Variants in PCDH9 observed in about 807,000 individuals in gnomAD.
PCDH9 encodes the protein protocadherin 9.
A neutral mutation model predicts 70.6 loss-of-function variants in PCDH9; 24 were observed. That is an observed-to-expected ratio of 0.34 (90% CI 0.25 to 0.48). PCDH9 has a LOEUF of 0.48. PCDH9 is among the 20% of genes least tolerant of loss of function. PCDH9 has a pLI of 0.99. For synonymous variants in PCDH9, 562 were observed against 558.5 expected (o/e 1.01, Z -0.09); for missense variants, 1,281 against 1,503.6 (o/e 0.85, Z 2.45).
intron 2 of PCDH9, among the ~76,000 whole-genome samples, chr13:66,939,914 C>T (rs1160145983): frequency 1.3e-5 from 2 of 152,092 alleles, no homozygotes; most frequent in African/African-American, 2.4e-5. Context: ...TTTATAAATA[C>T]TTAGTTCTTC....
At chr13:67,015,001 T>C (rs559450376) in intron 2 of PCDH9, among the ~76,000 whole-genome samples, 1 of 152,242 alleles carries the variant, frequency 6.6e-6, no homozygotes, top group East Asian at 1.9e-4. Flanking sequence ...CAAAGATCAA[T>C]TCCAAAATTA....
intron 3 of PCDH9, among the ~76,000 whole-genome samples, chr13:66,658,307 G>A (rs1320197002): frequency 6.6e-6 from 1 of 152,060 alleles, no homozygotes; most frequent in Non-Finnish European, 1.5e-5. Context: ...AATTTCCCAA[G>A]TTGATATAAA....
chr13:67,171,913 T>A (rs1047320694), intron 2 of PCDH9, among the ~76,000 whole-genome samples: 1 of 152,214 alleles, frequency 6.6e-6, no homozygotes, highest in African/African-American at 2.4e-5. Context: ...GCCTTACTGC[T>A]AGAGGTATCT....
rs1403883434 is a variant in PCDH9 at position 67,227,645 on chromosome 13, G to A, written c.796C>T (p.Pro266Ser). Residue 266 changes from proline (P) to serine (S), a missense_variant, in exon 2 of 5, where the codon CCC (proline) becomes TCC (serine). Coordinates refer to ENST00000377865, the MANE Select transcript of PCDH9 (RefSeq NM_203487.3). The surrounding 1 kb of genome is among the most constrained non-coding windows in gnomAD (Gnocchi z 4.6). The stretch of plus-strand genomic sequence containing the variant: ...AGCTGAATTACAGAGGTACCTACGG[G>A]AGCATTCTCTGGAATATGCACCTCC... ...QVEVHIPENA[P>S]VGTSVIQLHA... 6.2e-7 allele frequency: 1 copy of A among 1,612,632 alleles called. No homozygotes were observed. The highest frequency in any genetic ancestry group is 1.6e-4 in the Middle Eastern group (1 of 6,062).
chr13:67,132,812 TATATC>T (rs1359330096), intron 2 of PCDH9, among the ~76,000 whole-genome samples: 1 of 152,126 alleles, frequency 6.6e-6, no homozygotes, highest in Non-Finnish European at 1.5e-5. Flanking sequence ...TACAAATTGT[TATATC>T]ATATAGAATA....
intron 4 of PCDH9, among the ~76,000 whole-genome samples, chr13:66,628,399 C>G (rs1485723614): frequency 6.6e-6 from 1 of 152,154 alleles, no homozygotes; most frequent in Non-Finnish European, 1.5e-5. Context: ...ATAAATTTCT[C>G]ATAATAACTT....
At chr13:66,310,262 A>C (rs546760823) in intron 4 of PCDH9, among the ~76,000 whole-genome samples, 50 of 152,156 alleles carry the variant, frequency 3.3e-4, no homozygotes, top group Non-Finnish European at 6.3e-4. Flanking sequence ...ATCAGGTCTC[A>C]AAATTCATCT....
intron 4 of PCDH9, among the ~76,000 whole-genome samples, chr13:66,447,281 T>C (rs1958111695): frequency 6.6e-6 from 1 of 152,072 alleles, no homozygotes; most frequent in Non-Finnish European, 1.5e-5. Flanking sequence ...ACAACTCCAC[T>C]TGAACATGTG....
intron 3 of PCDH9, among the ~76,000 whole-genome samples, chr13:66,849,380 T>A (rs578122466): frequency 1.9e-4 from 29 of 151,672 alleles, no homozygotes; most frequent in Admixed American, 8.5e-4. Flanking sequence ...TCCTATGGGA[T>A]CCCATGTGAT....
intron 2 of PCDH9, among the ~76,000 whole-genome samples, chr13:67,005,319 G>C (rs2139828981): frequency 6.6e-6 from 1 of 152,132 alleles, no homozygotes; most frequent in Middle Eastern, 3.4e-3. Context: ...TTTACTATTT[G>C]AGTTCGCTTT....
intron 2 of PCDH9, among the ~76,000 whole-genome samples, chr13:66,973,353 C>T (rs1413337053): frequency 6.6e-6 from 1 of 151,768 alleles, no homozygotes; most frequent in African/African-American, 2.4e-5. Flanking sequence ...TAAGTTGATA[C>T]AAGCAAGAAC....
At position 66,562,498 on chromosome 13, in the gene PCDH9, G is replaced by A. The variant is rs567944163; in HGVS notation, c.3340+68712C>T. Among the ~76,000 whole-genome samples, 33 of 152,276 alleles carry A rather than the reference G, an allele frequency of 2.2e-4. No homozygotes were observed. In the South Asian group the frequency reaches 5.0e-3, roughly 23 times the overall value. On this transcript the variant is annotated intron_variant, in intron 4 of 4. Transcript: ENST00000377865. ...GCTGGGGAGGCCTCACAATCATGGC[G>A]GAAGGCAAAGTAGGAGCAAAGGCAT... is the stretch of plus-strand genomic sequence containing the variant.
At chr13:66,617,929 T>C (rs1032307503) in intron 4 of PCDH9, among the ~76,000 whole-genome samples, 2 of 152,086 alleles carry the variant, frequency 1.3e-5, no homozygotes, top group Non-Finnish European at 2.9e-5. Context: ...TAGATGTACT[T>C]CTTTAGAGGG....
intron 3 of PCDH9, among the ~76,000 whole-genome samples, chr13:66,706,031 A>C (rs949577258): frequency 6.6e-6 from 1 of 152,204 alleles, no homozygotes; most frequent in Non-Finnish European, 1.5e-5. Context: ...GAGTATAGAA[A>C]GCACACTTGG....
chr13:67,194,778 G>C (rs187870345), intron 2 of PCDH9, among the ~76,000 whole-genome samples: 130 of 152,256 alleles, frequency 8.5e-4, no homozygotes, highest in Admixed American at 7.6e-3. Flanking sequence ...GAACTGAAAA[G>C]TTTTGCGACT....
chr13:66,777,516 A>C (rs1363803765), intron 3 of PCDH9, among the ~76,000 whole-genome samples: 1 of 152,216 alleles, frequency 6.6e-6, no homozygotes, highest in East Asian at 1.9e-4. Flanking sequence ...TGCGGCCAAA[A>C]AACACATGAA....
At chr13:66,892,553 A>G (rs1184778427) in intron 3 of PCDH9, among the ~76,000 whole-genome samples, 2 of 152,000 alleles carry the variant, frequency 1.3e-5, no homozygotes, top group Non-Finnish European at 2.9e-5. Context: ...TAGAAACCAG[A>G]AAAATTATGT....
intron 2 of PCDH9, among the ~76,000 whole-genome samples, chr13:67,160,040 TG>T (rs1368228594): frequency 6.6e-6 from 1 of 152,170 alleles, no homozygotes; most frequent in African/African-American, 2.4e-5. Flanking sequence ...AGCGACATTC[TG>T]AAGAGCCTCC....
At chr13:66,817,714 C>T (rs1682977168) in intron 3 of PCDH9, among the ~76,000 whole-genome samples, 1 of 152,056 alleles carries the variant, frequency 6.6e-6, no homozygotes, top group African/African-American at 2.4e-5. Context: ...ACTGCAACCT[C>T]GACCTCCTGG....
Sources: gnomAD v4.1 joint callset for allele counts (sites outside exome capture counted in the v4.1 genomes callset) on GRCh38, gnomAD v4.1.1 for gene constraint, Gnocchi (gnomAD v3.1) non-coding constraint, MANE v1.5 for transcripts, NCBI Gene and HGNC (gene_info 2026-07-23, HGNC 2026-07-21) for gene names.